Variants in CNTNAP2 observed in about 807,000 individuals in gnomAD.
The protein encoded by CNTNAP2 is contactin associated protein 2.
A neutral mutation model predicts 155.2 loss-of-function variants in CNTNAP2; 98 were observed. The ratio of observed to expected loss-of-function variants is 0.63; its 90% CI spans 0.54 to 0.75. CNTNAP2 has a LOEUF of 0.75. CNTNAP2 is among the 30% of genes least tolerant of loss of function. CNTNAP2 has a pLI of 0.00. For synonymous variants in CNTNAP2, 651 were observed against 631.2 expected (o/e 1.03, Z -0.47); for missense variants, 1,727 against 1,688.1 (o/e 1.02, Z -0.40).
At chr7:146,611,235 C>A (rs1799131257) in intron 1 of CNTNAP2, among the ~76,000 whole-genome samples, 1 of 152,136 alleles carries the variant, frequency 6.6e-6, no homozygotes, top group Non-Finnish European at 1.5e-5. Flanking sequence ...TACAGGCGAA[C>A]CCCATTAGGC....
At chr7:146,685,859 A>G (rs1021621866) in intron 1 of CNTNAP2, among the ~76,000 whole-genome samples, 1 of 152,204 alleles carries the variant, frequency 6.6e-6, no homozygotes, top group Non-Finnish European at 1.5e-5. Context: ...TGTGAAAATG[A>G]GCTGAAAGAG....
intron 1 of CNTNAP2, among the ~76,000 whole-genome samples, chr7:146,668,328 A>C (rs192088279): frequency 5.3e-5 from 8 of 151,862 alleles, no homozygotes; most frequent in Admixed American, 1.3e-4. Flanking sequence ...CCACTTGATT[A>C]TGTTGTATTA....
chr7:147,629,362 C>T (rs1005442251), intron 12 of CNTNAP2, among the ~76,000 whole-genome samples: 8 of 151,218 alleles, frequency 5.3e-5, no homozygotes, highest in Non-Finnish European at 8.8e-5. Context: ...GAGATTGCAC[C>T]ACTGCACTCC....
At chr7:146,912,504 G>C (rs990735149) in intron 3 of CNTNAP2, among the ~76,000 whole-genome samples, 1 of 152,020 alleles carries the variant, frequency 6.6e-6, no homozygotes, top group Non-Finnish European at 1.5e-5. Flanking sequence ...GGGCCTCAGG[G>C]TAACAATGTT....
At chr7:147,559,282 C>G (rs139174659) in intron 11 of CNTNAP2, among the ~76,000 whole-genome samples, 1 of 152,192 alleles carries the variant, frequency 6.6e-6, no homozygotes. Flanking sequence ...AAGCGAGCTC[C>G]TGTGGGGAAT....
chr7:147,346,330 A>G (rs1795862335), intron 9 of CNTNAP2, among the ~76,000 whole-genome samples: 1 of 148,968 alleles, frequency 6.7e-6, no homozygotes, highest in Non-Finnish European at 1.5e-5. Context: ...AATTTTTTGT[A>G]TTTTTAGTAG....
rs10585690 is a variant in CNTNAP2, at chr7:146,438,284, C to CT, written c.97+321324dup. ...TCCTACAGTTATTTATCCATAGAAGCTTTTTTTTTTTTTAAAGAGTCTATT... is the reference window on the plus strand; with the variant it reads ...TCCTACAGTTATTTATCCATAGAAGCTTTTTTTTTTTTTTAAAGAGTCTATT... On this transcript the variant is annotated intron_variant, in intron 1 of 23. Coordinates refer to ENST00000361727, the MANE Select transcript of CNTNAP2 (RefSeq NM_014141.6). Among the ~76,000 whole-genome samples, 517 of 146,124 alleles carry CT rather than the reference C, an allele frequency of 3.5e-3. 13 individuals are homozygous for CT. The highest frequency in any genetic ancestry group is 8.5e-3 in the African/African-American group (333 of 39,304).
intron 13 of CNTNAP2, among the ~76,000 whole-genome samples, chr7:147,790,433 C>T (rs1363274649): frequency 1.3e-5 from 2 of 152,168 alleles, no homozygotes; most frequent in Non-Finnish European, 2.9e-5. Flanking sequence ...TGATACACTT[C>T]TTCCTATAAT....
intron 1 of CNTNAP2, among the ~76,000 whole-genome samples, chr7:146,513,740 A>G (rs917121050): frequency 1.3e-5 from 2 of 151,964 alleles, no homozygotes; most frequent in Non-Finnish European, 2.9e-5. Context: ...ACAGTGTTAG[A>G]GTATTCTGAA....
At chr7:146,723,124 G>C (rs575497657) in intron 1 of CNTNAP2, among the ~76,000 whole-genome samples, 90 of 152,326 alleles carry the variant, frequency 5.9e-4, no homozygotes, top group African/African-American at 2.1e-3. Context: ...GGCAAGATGG[G>C]TGTTGGGGTA....
intron 1 of CNTNAP2, among the ~76,000 whole-genome samples, chr7:146,643,220 A>C (rs1477141707): frequency 1.3e-5 from 2 of 149,464 alleles, no homozygotes; most frequent in African/African-American, 4.9e-5. Context: ...TGTTTTAGAC[A>C]TGAAGTCCTT....
intron 1 of CNTNAP2, among the ~76,000 whole-genome samples, chr7:146,579,200 C>T (rs2129147403): frequency 6.6e-6 from 1 of 152,170 alleles, no homozygotes; most frequent in Admixed American, 6.5e-5. Context: ...CTGATTCCCT[C>T]TCAATTTTTT....
chr7:147,265,876 G>A (rs1804596339), intron 8 of CNTNAP2, among the ~76,000 whole-genome samples: 1 of 152,138 alleles, frequency 6.6e-6, no homozygotes, highest in African/African-American at 2.4e-5. Context: ...ATAGTCTGAA[G>A]TGAACCCCCA....
At chr7:148,229,324 G>A (rs1294931246) in intron 19 of CNTNAP2, among the ~76,000 whole-genome samples, 2 of 152,182 alleles carry the variant, frequency 1.3e-5, no homozygotes, top group East Asian at 1.9e-4. Flanking sequence ...AGAATTTCGA[G>A]ACCAGCCTGG....
intron 15 of CNTNAP2, among the ~76,000 whole-genome samples, chr7:147,995,651 C>T (rs1801791150): frequency 6.6e-6 from 1 of 151,822 alleles, no homozygotes; most frequent in Non-Finnish European, 1.5e-5. Flanking sequence ...GTAGCTGGGA[C>T]TACAGGCGCC....
chr7:147,503,174 C>T (rs34871833), intron 11 of CNTNAP2, among the ~76,000 whole-genome samples: 48,583 of 151,970 alleles, frequency 0.32, 8,015 homozygotes, highest in East Asian at 0.43. Flanking sequence ...CTTTGCCTTT[C>T]ACTGGCTTCT....
intron 1 of CNTNAP2, among the ~76,000 whole-genome samples, chr7:146,191,770 C>T (rs1463712827): frequency 2.0e-5 from 3 of 152,168 alleles, no homozygotes; most frequent in African/African-American, 7.2e-5. Flanking sequence ...CTGCCCGGCT[C>T]TCAGGCAGTC....
intron 14 of CNTNAP2, among the ~76,000 whole-genome samples, chr7:147,967,521 G>C (rs1801237770): frequency 1.3e-5 from 2 of 151,926 alleles, no homozygotes; most frequent in African/African-American, 4.8e-5. Context: ...TGGGGAAATT[G>C]CGTAGAACTA....
At chr7:147,116,946 C>T (rs192974522) in intron 5 of CNTNAP2, among the ~76,000 whole-genome samples, 80 of 152,324 alleles carry the variant, frequency 5.3e-4, no homozygotes, top group Admixed American at 9.1e-4. Context: ...CCCAGTCGAC[C>T]AAATAGCAGA....
Sources: allele counts gnomAD v4.1 joint callset (sites outside exome capture counted in the v4.1 genomes callset), GRCh38; gene constraint gnomAD v4.1.1; transcripts MANE v1.5; gene names NCBI Gene and HGNC (gene_info 2026-07-23, HGNC 2026-07-21).